SLC7A13: variants seen among roughly 807,000 people sequenced by gnomAD.
SLC7A13 encodes the protein solute carrier family 7 member 13, also known as X-amino acid transporter 2.
A neutral mutation model predicts 32.0 loss-of-function variants in SLC7A13; 31 were observed. The observed-to-expected ratio is 0.97, with a 90% CI of 0.73 to 1.31. The LOEUF is 1.31. Ranked by LOEUF, SLC7A13 falls within the 50% of genes most tolerant of loss-of-function variation. SLC7A13 has a pLI of 0.00. For missense variants in SLC7A13, 633 were observed against 546.9 expected, an observed-to-expected ratio of 1.16 and a Z score of -1.57; for synonymous variants, 232 against 206.9, an observed-to-expected ratio of 1.12 and a Z score of -1.04.
rs768563541 is a variant in SLC7A13 at position 86,214,383 on chromosome 8, C to T, written c.*30G>A. ...ATCTGATATATGTTTTTTAGAAGGC[C>T]AATTTTTTAAGAGTTTGCACTTCCG... On this transcript the variant is annotated 3_prime_UTR_variant, in exon 4 of 4. Transcript: ENST00000297524. The T allele has an allele frequency of 2.4e-5, 34 of 1,426,608 alleles. No homozygotes were observed. Among genetic ancestry groups the T allele is most frequent in the Non-Finnish European group, 3.1e-5 (32 of 1,041,148 alleles). The allele number at this position is 1,426,608 out of a possible 1,614,324, so 88.4% of individuals were successfully genotyped here. A position where few individuals can be genotyped will look rare whatever the true frequency, so the allele number is the denominator to read the frequency against.
In SLC7A13 at chr8:86,214,280, T is replaced by C; in HGVS notation, c.*133A>G. On this transcript the variant is annotated 3_prime_UTR_variant, in exon 4 of 4. Coordinates refer to ENST00000297524, the MANE Select transcript of SLC7A13 (RefSeq NM_138817.3). ...CTTAGGCACTTTTGTATACATTACT[T>C]ATTTCATTTGAGAAAAAAATATTTA... is the stretch of plus-strand genomic sequence containing the variant. The C allele has an allele frequency of 1.6e-6, 1 of 624,970 alleles. No individual in the cohort carries two copies. Among genetic ancestry groups the C allele is most frequent in the South Asian group, 2.1e-5 (1 of 46,694 alleles). The allele number at this position is 624,970 out of a possible 1,614,324, so 38.7% of individuals were successfully genotyped here. A position where few individuals can be genotyped will look rare whatever the true frequency, so the allele number is the denominator to read the frequency against.
intron 1 of SLC7A13, among the ~76,000 whole-genome samples, chr8:86,227,327 A>T (rs567339161): frequency 1.3e-5 from 2 of 152,280 alleles, no homozygotes; most frequent in African/African-American, 4.8e-5. Flanking sequence ...ATTTTTTAGA[A>T]AAGATTGAAA....
In SLC7A13 at chr8:86,230,232, A is replaced by C. The variant is rs1820462732; in HGVS notation, c.46T>G (p.Trp16Gly). ...ATAAGCAAAAAACTTGTGCCCCACC[A>C]ATATCCAAACACTCTCTTGAGCTGT... ...KIQLKRVFGY[W>G]WGTSFLLINI... The change falls in exon 1 of 4, where the codon TGG (tryptophan) becomes GGG (glycine). Residue 16 changes from tryptophan to glycine, a missense_variant. By Grantham distance (184) the Trp-to-Gly change is radical. Transcript: ENST00000297524. 6.2e-7 allele frequency: 1 copy of C among 1,613,234 alleles called. No homozygotes were observed. Among genetic ancestry groups the C allele is most frequent in the Non-Finnish European group, 8.5e-7 (1 of 1,179,568 alleles).
At chr8:86,220,694 G>A (rs112542503) in intron 2 of SLC7A13, among the ~76,000 whole-genome samples, 25 of 151,884 alleles carry the variant, frequency 1.6e-4, no homozygotes, top group Admixed American at 3.9e-4. Context: ...TCCCTTAATC[G>A]TTAAAATTTC....
In SLC7A13 at chr8:86,230,029, A is replaced by G. The variant is rs141043236; in HGVS notation, c.249T>C (p.Phe83=). 6.1e-4 allele frequency: 991 copies of G among 1,614,170 alleles called. 6 individuals carry two copies. The African/African-American group carries it at 0.011, about 18-fold the overall frequency. Residue 83 remains phenylalanine (F), a synonymous_variant, in exon 1 of 4, where the codon TTT becomes TTC. Coordinates refer to ENST00000297524, the MANE Select transcript of SLC7A13 (RefSeq NM_138817.3). ...CCGTGGAGCCAAAGTATCTCTTGAG[A>G]AAATAGTATTGAGCTCCACTGCATG... The part of the protein sequence containing the change: ...SFPCSGAQYY[F]LKRYFGSTVA...
chr8:86,217,599 T>C lies in SLC7A13; in HGVS notation c.1050A>G (p.Ala350=), dbSNP rs1393131885. The change falls in exon 3 of 4, where the codon GCA becomes GCG. Residue 350 remains alanine, a synonymous_variant. Transcript: ENST00000297524. ...VLLLVTLGSL[A]IILTSLIDLI... Reference sequence around the variant, plus strand: ...AATCAATTAGACTTGTTAAGATAATTGCAAGGGATCCCAAAGTGACAAGTA... The same window carrying C: ...AATCAATTAGACTTGTTAAGATAATCGCAAGGGATCCCAAAGTGACAAGTA... 7 of 1,613,360 alleles carry C rather than the reference T, an allele frequency of 4.3e-6. No individual in the cohort carries two copies. Among genetic ancestry groups the C allele is most frequent in the Non-Finnish European group, 5.9e-6 (7 of 1,179,640 alleles).
intron 2 of SLC7A13, among the ~76,000 whole-genome samples, chr8:86,220,076 T>C (rs1443706148): frequency 2.6e-5 from 4 of 152,252 alleles, no homozygotes; most frequent in African/African-American, 9.6e-5. Flanking sequence ...TTGGCTATCT[T>C]ATCAAAATTT....
chr8:86,228,178 C>T (rs903946571), intron 1 of SLC7A13, among the ~76,000 whole-genome samples: 3 of 152,178 alleles, frequency 2.0e-5, no homozygotes, highest in African/African-American at 7.2e-5. Context: ...CAAGAAGATG[C>T]TGTTCCACTT....
Position 86,223,045 on chromosome 8 carries a change from C to A in SLC7A13, c.744G>T (p.Leu248=), listed in dbSNP as rs769801829. ...TAACCAGTAAATAAACTACAGTCAC[C>A]AGAGGTAACGCAGTAAATATGCATT... ...IPKCIFTALP[L]VTVVYLLVNI... Residue 248 remains leucine (L), a synonymous_variant, in exon 2 of 4, where the codon CTG becomes CTT. Transcript: ENST00000297524. The A allele has an allele frequency of 3.7e-6, 6 of 1,606,932 alleles. No individual in the cohort carries two copies. In the East Asian group the frequency reaches 1.4e-4, roughly 36 times the overall value.
intron 3 of SLC7A13, among the ~76,000 whole-genome samples, chr8:86,216,941 T>C (rs746121243): frequency 3.3e-5 from 5 of 152,222 alleles, no homozygotes; most frequent in Non-Finnish European, 7.3e-5. Context: ...CAAGTTTTGC[T>C]GCTTATTTCC....
rs371571965 is a variant in SLC7A13, at chr8:86,217,545, T to A, written c.1104A>T (p.Ser368=). 4 of 1,612,178 alleles carry A rather than the reference T, an allele frequency of 2.5e-6. No individual in the cohort carries two copies. In the African/African-American group the frequency reaches 5.3e-5, roughly 22 times the overall value. Reference sequence around the variant, plus strand: ...CTATCATTAATAATATAGACCATAATGAACCCGTGAAAAAAATATAGTTTA... The same window carrying A: ...CTATCATTAATAATATAGACCATAAAGAACCCGTGAAAAAAATATAGTTTA... ...DLINYIFFTG[S]LWSILLMIGI... is the part of the protein sequence containing the mutation. Residue 368 remains serine (S), a synonymous_variant, in exon 3 of 4, where the codon TCA becomes TCT. Transcript: ENST00000297524.
Position 86,223,943 on chromosome 8 carries a change from C to T in SLC7A13, c.686-840G>A, listed in dbSNP as rs373884128. Among the ~76,000 whole-genome samples, 12 of 152,110 alleles carry T rather than the reference C, an allele frequency of 7.9e-5. No homozygotes were observed. In the East Asian group the frequency reaches 1.7e-3, roughly 22 times the overall value. ...TAGACTTAAGAATGAAAAATGAAAT[C>T]GGAGCCCATAAGTCCTGTACCATTT... On this transcript the variant is annotated intron_variant, in intron 1 of 3. Coordinates refer to ENST00000297524, the MANE Select transcript of SLC7A13 (RefSeq NM_138817.3).
chr8:86,222,925 G>C (rs1443643698), intron 2 of SLC7A13, 47 bp downstream of exon 2: 3 of 1,494,934 alleles, frequency 2.0e-6, no homozygotes, highest in Non-Finnish European at 2.7e-6. Flanking sequence ...TAGTTACGTT[G>C]AAAGGACCAG....
Position 86,217,930 on chromosome 8 carries a change from G to A in SLC7A13, c.818-99C>T, listed in dbSNP as rs1252099502. 6 of 1,257,090 alleles carry A rather than the reference G, an allele frequency of 4.8e-6. No homozygotes were observed. In the Admixed American group the frequency reaches 1.2e-4, roughly 24 times the overall value. 77.9% of individuals were successfully genotyped at this position (1,257,090 alleles called of 1,614,324 possible). A position where few individuals can be genotyped will look rare whatever the true frequency, so the allele number is the denominator to read the frequency against. The stretch of plus-strand genomic sequence containing the variant: ...TTTCAAAATGAAAACAGAAACTTAA[G>A]TAATTAATAACATTTAGTTTGCTTA... On this transcript the variant is annotated intron_variant, in intron 2 of 3. Coordinates refer to ENST00000297524, the MANE Select transcript of SLC7A13 (RefSeq NM_138817.3).
chr8:86,224,932 T>C (rs1820364186), intron 1 of SLC7A13, among the ~76,000 whole-genome samples: 1 of 152,104 alleles, frequency 6.6e-6, no homozygotes. Flanking sequence ...TCTCGCTATG[T>C]TGCCTGGACT....
At chr8:86,219,700 A>C (rs1349874074) in intron 2 of SLC7A13, among the ~76,000 whole-genome samples, 1 of 152,158 alleles carries the variant, frequency 6.6e-6, no homozygotes, top group East Asian at 1.9e-4. Context: ...TTATTGGTAC[A>C]TTTGCATGCA....
intron 2 of SLC7A13, among the ~76,000 whole-genome samples, chr8:86,220,703 T>C (rs34110064): frequency 0.096 from 14,552 of 152,138 alleles, 960 homozygotes; most frequent in Admixed American, 0.19. Context: ...CGTTAAAATT[T>C]CTTAATTTAA....
rs376418900 is a variant in SLC7A13, at chr8:86,229,662, G to A, written c.616C>T (p.His206Tyr). 2.0e-5 allele frequency: 33 copies of A among 1,614,144 alleles called. No homozygotes were observed. In the East Asian group the frequency reaches 4.7e-4, roughly 23 times the overall value. Residue 206 changes from histidine to tyrosine, a missense_variant, in exon 1 of 4, where the codon CAC becomes TAC. By Grantham distance (83) the His-to-Tyr change is moderately conservative. Transcript: ENST00000297524. ...AFDAELPDIS[H>Y]LIQAIFQGYF... ...CCTTGGAAGATGGCTTGTATAAGGT[G>A]AGAGATATCTGGAAGTTCAGCATCA...
intron 1 of SLC7A13, among the ~76,000 whole-genome samples, chr8:86,223,911 C>T (rs897756987): frequency 6.6e-6 from 1 of 151,916 alleles, no homozygotes; most frequent in African/African-American, 2.4e-5. Context: ...GGCAAAATTT[C>T]TGAAGATAGA....
Sources: gnomAD v4.1 joint callset for allele counts (sites outside exome capture counted in the v4.1 genomes callset) on GRCh38, gnomAD v4.1.1 for gene constraint, MANE v1.5 for transcripts, NCBI Gene and HGNC (gene_info 2026-07-23, HGNC 2026-07-21) for gene names.